Variants in CFH observed in about 807,000 individuals in gnomAD.
The protein encoded by CFH is complement factor H.
CFH carries 53 observed loss-of-function variants against 147.3 expected under a neutral mutation model. The observed-to-expected ratio is 0.36, with a 90% CI of 0.29 to 0.45. The LOEUF is 0.45. Among genes scored for constraint, CFH ranks in the 20% least tolerant of loss-of-function variants. The pLI, the probability that CFH is intolerant of heterozygous loss-of-function variation, is 1.00. For missense variants in CFH, 1,380 were observed against 1,498.0 expected (o/e 0.92, Z 1.30); for synonymous variants, 536 against 489.4 (o/e 1.10, Z -1.26).
At chr1:196,701,951 C>G (rs535309777) in intron 9 of CFH, among the ~76,000 whole-genome samples, 1 of 152,000 alleles carries the variant, frequency 6.6e-6, no homozygotes, top group African/African-American at 2.4e-5. Flanking sequence ...GCTTACAGTA[C>G]GATCCTGTAG....
intron 9 of CFH, among the ~76,000 whole-genome samples, chr1:196,693,620 C>T (rs1197144118): frequency 6.6e-6 from 1 of 152,016 alleles, no homozygotes; most frequent in East Asian, 1.9e-4. Context: ...AGCTGAATGG[C>T]ATAGGATTTC....
At chr1:196,726,055 C>G (rs902673509) in intron 12 of CFH, among the ~76,000 whole-genome samples, 1 of 152,130 alleles carries the variant, frequency 6.6e-6, no homozygotes, top group Non-Finnish European at 1.5e-5. Context: ...CCGGGTGTGT[C>G]TAAACAATAT....
At chr1:196,682,319 A>T (rs1271228203) in intron 6 of CFH, among the ~76,000 whole-genome samples, 1 of 151,746 alleles carries the variant, frequency 6.6e-6, no homozygotes, top group Non-Finnish European at 1.5e-5. Context: ...ATAGTAGGAA[A>T]ATATGGATAG....
chr1:196,690,424 A>G lies in CFH; in HGVS notation c.1336+185A>G, dbSNP rs779893909. The G allele has an allele frequency of 1.9e-5, 15 of 787,032 alleles. No individual in the cohort carries two copies. In the East Asian group the frequency reaches 3.5e-4, roughly 18 times the overall value. 48.8% of individuals were successfully genotyped at this position (787,032 alleles called of 1,614,324 possible). A position where few individuals can be genotyped will look rare whatever the true frequency, so the allele number is the denominator to read the frequency against. On this transcript the variant is annotated intron_variant, in intron 9 of 21. Coordinates refer to ENST00000367429, the MANE Select transcript of CFH (RefSeq NM_000186.4). ...AATATACAAATTTCTTGATAAGTAC[A>G]TAGTAAAATAAATTCTCCTATTAAT...
At chr1:196,718,187 T>A (rs1255670296) in intron 11 of CFH, among the ~76,000 whole-genome samples, 1 of 152,006 alleles carries the variant, frequency 6.6e-6, no homozygotes, top group Non-Finnish European at 1.5e-5. Flanking sequence ...GGTCTACTTA[T>A]CCAGAGATTT....
chr1:196,736,975 T>C lies in CFH; in HGVS notation c.2565T>C (p.Asp855=). ...IQEGEEITCK[D]GRWQSIPLCV... Reference sequence around the variant, plus strand: ...AAGGAGAAGAAATTACATGCAAAGATGGAAGATGGCAGTCAATACCACTCT... The same window carrying C: ...AAGGAGAAGAAATTACATGCAAAGACGGAAGATGGCAGTCAATACCACTCT... Residue 855 remains aspartate (D), a synonymous_variant, in exon 16 of 22, where the codon GAT becomes GAC. Coordinates refer to ENST00000367429, the MANE Select transcript of CFH (RefSeq NM_000186.4). The C allele has an allele frequency of 6.2e-7, 1 of 1,611,404 alleles. No homozygotes were observed. The highest frequency in any genetic ancestry group is 8.5e-7 in the Non-Finnish European group (1 of 1,178,240).
At chr1:196,714,635 G>GTGTATATATATA (rs1392624278) in intron 10 of CFH, among the ~76,000 whole-genome samples, 22 of 24,920 alleles carry the variant, frequency 8.8e-4, no homozygotes, top group East Asian at 3.2e-3. Context: ...ACGTATATAT[G>GTGTATATATATA]TATATATATA....
Position 196,713,815 on chromosome 1 carries a change from G to T in CFH, c.1417G>T (p.Ala473Ser), listed in dbSNP as rs1306233930. 6.2e-7 allele frequency: 1 copy of T among 1,611,806 alleles called. No individual in the cohort carries two copies. The highest frequency in any genetic ancestry group is 8.5e-7 in the Non-Finnish European group (1 of 1,178,458). ...GTATACATATGCCTTAAAAGAAAAA[G>T]CGAAATATCAATGCAAACTAGGATA... The part of the protein sequence containing the change: ...SQYTYALKEK[A>S]KYQCKLGYVT... Residue 473 changes from alanine to serine, a missense_variant, in exon 10 of 22, where the codon GCG becomes TCG. Coordinates refer to ENST00000367429, the MANE Select transcript of CFH (RefSeq NM_000186.4).
intron 9 of CFH, among the ~76,000 whole-genome samples, chr1:196,691,584 G>T (rs1387727377): frequency 6.6e-6 from 1 of 151,800 alleles, no homozygotes; most frequent in Non-Finnish European, 1.5e-5. Context: ...TGGAAATGCA[G>T]TTTGATTTTC....
chr1:196,728,555 C>A (rs371381987), intron 15 of CFH, 33 bp downstream of exon 15: 72 of 1,597,474 alleles, frequency 4.5e-5, no homozygotes, highest in Non-Finnish European at 5.3e-5. Context: ...GAAATGTATT[C>A]TATTTCTCAT....
intron 20 of CFH, among the ~76,000 whole-genome samples, chr1:196,744,546 A>G (rs1348681128): frequency 6.6e-6 from 1 of 152,102 alleles, no homozygotes; most frequent in East Asian, 1.9e-4. Context: ...ATGTAATAAT[A>G]TATTACTGTC....
intron 15 of CFH, among the ~76,000 whole-genome samples, chr1:196,735,333 T>C (rs1039504906): frequency 3.3e-5 from 5 of 152,176 alleles, no homozygotes; most frequent in African/African-American, 1.2e-4. Flanking sequence ...ACACTCAGTT[T>C]TTTAATTGCT....
intron 9 of CFH, among the ~76,000 whole-genome samples, chr1:196,711,650 C>A (rs993247035): frequency 6.6e-6 from 1 of 151,808 alleles, no homozygotes; most frequent in Non-Finnish European, 1.5e-5. Context: ...TTAAAAAACC[C>A]CAGAGATAGT....
intron 15 of CFH, among the ~76,000 whole-genome samples, chr1:196,730,774 T>G (rs1200477632): frequency 6.6e-6 from 1 of 151,776 alleles, no homozygotes; most frequent in South Asian, 2.1e-4. Flanking sequence ...TGGGTGCATA[T>G]ATAGGTTTAT....
At chr1:196,698,738 A>G (rs1215245187) in intron 9 of CFH, among the ~76,000 whole-genome samples, 1 of 152,190 alleles carries the variant, frequency 6.6e-6, no homozygotes, top group Admixed American at 6.5e-5. Flanking sequence ...AGCCAGCATC[A>G]TCCTGATACC....
intron 1 of CFH, among the ~76,000 whole-genome samples, chr1:196,655,059 A>G (rs985938355): frequency 2.0e-5 from 3 of 152,240 alleles, no homozygotes; most frequent in Admixed American, 6.5e-5. Context: ...TATAATTTCA[A>G]CCAATCTGTC....
At chr1:196,681,156 T>A (rs1279040608) in intron 6 of CFH, among the ~76,000 whole-genome samples, 1 of 151,904 alleles carries the variant, frequency 6.6e-6, no homozygotes, top group African/African-American at 2.4e-5. Flanking sequence ...AATCAAAATG[T>A]AACTTATAAA....
chr1:196,672,920 A>G, intron 1 of CFH, 58 bp from the exon 2 acceptor site: 3 of 1,436,788 alleles, frequency 2.1e-6, no homozygotes, highest in South Asian at 2.4e-5. Flanking sequence ...AATTACCTAA[A>G]TATACTGTAC....
intron 1 of CFH, among the ~76,000 whole-genome samples, chr1:196,671,506 G>C (rs1262116903): frequency 6.6e-6 from 1 of 150,378 alleles, no homozygotes; most frequent in Non-Finnish European, 1.5e-5. Context: ...TCCCATTTCT[G>C]GTTTCTAGTC....
Sources: allele counts gnomAD v4.1 joint callset (sites outside exome capture counted in the v4.1 genomes callset), GRCh38; gene constraint gnomAD v4.1.1; transcripts MANE v1.5; gene names NCBI Gene and HGNC (gene_info 2026-07-23, HGNC 2026-07-21).